Variants in PRKAR2B observed in about 807,000 individuals in gnomAD.
PRKAR2B encodes cAMP-dependent protein kinase type II-beta regulatory subunit.
Under a neutral mutation model 49.9 loss-of-function variants are expected in PRKAR2B, and 14 were observed. The ratio of observed to expected loss-of-function variants is 0.28; its 90% CI spans 0.19 to 0.44. The LOEUF is 0.44. Among genes scored for constraint, PRKAR2B ranks in the 20% least tolerant of loss-of-function variants. PRKAR2B has a pLI of 1.00. For missense variants in PRKAR2B, 393 were observed against 537.9 expected (o/e 0.73, Z 2.67); for synonymous variants, 196 against 197.7 (o/e 0.99, Z 0.07).
intron 2 of PRKAR2B, among the ~76,000 whole-genome samples, chr7:107,081,018 T>A (rs565092502): frequency 1.6e-4 from 24 of 152,344 alleles, no homozygotes; most frequent in African/African-American, 5.8e-4. Context: ...ACATTTTGAG[T>A]GCAAAATAAA....
chr7:107,129,182 G>A (rs892701716), intron 4 of PRKAR2B: 2 of 152,164 alleles, frequency 1.3e-5, no homozygotes, highest in African/African-American at 4.8e-5. Flanking sequence ...CATCATACCA[G>A]TTATATACTG....
intron 1 of PRKAR2B, among the ~76,000 whole-genome samples, chr7:107,056,505 G>A (rs950311269): frequency 2.0e-5 from 3 of 152,162 alleles, no homozygotes; most frequent in Admixed American, 2.0e-4. Flanking sequence ...GCAGTGGTTT[G>A]TAGTTCTCCT....
At chr7:107,095,905 G>A (rs955868443) in intron 2 of PRKAR2B, among the ~76,000 whole-genome samples, 2 of 152,136 alleles carry the variant, frequency 1.3e-5, no homozygotes, top group African/African-American at 2.4e-5. Flanking sequence ...TTCAGTTTGC[G>A]AGTATTTCAT....
chr7:107,132,415 G>A (rs1795619360), intron 4 of PRKAR2B, among the ~76,000 whole-genome samples: 1 of 152,158 alleles, frequency 6.6e-6, no homozygotes, highest in South Asian at 2.1e-4. Context: ...CACTTTGGTG[G>A]TAATGTCGAA....
chr7:107,057,284 C>T (rs1214234661), intron 1 of PRKAR2B, among the ~76,000 whole-genome samples: 2 of 152,124 alleles, frequency 1.3e-5, no homozygotes, highest in African/African-American at 4.8e-5. Flanking sequence ...GTTCTTCAGC[C>T]ACCTCCATAC....
In PRKAR2B at chr7:107,144,934, G is replaced by A. The variant is rs115994495; in HGVS notation, c.588-1374G>A. Among the ~76,000 whole-genome samples, 1,338 of 151,950 alleles carry A rather than the reference G, an allele frequency of 8.8e-3. 25 individuals are homozygous for A. The highest frequency in any genetic ancestry group is 0.03 in the African/African-American group (1,245 of 41,430). On this transcript the variant is annotated intron_variant, in intron 5 of 10. Transcript: ENST00000265717. ...AAAGCATGTTCTCTGATAAAATACA[G>A]TATGCGGAAAGTCAGTCATCCACAC...
Position 107,045,058 on chromosome 7 carries a change from T to A in PRKAR2B, c.151T>A (p.Phe51Ile). The part of the protein sequence containing the change: ...QENERKGTAR[F>I]GHEGRTWGDL... ...GAACGAGCGCAAAGGCACCGCGCGC[T>A]TCGGCCATGAGGGCAGGACCTGGGG... The change falls in exon 1 of 11, where the codon TTC (phenylalanine) becomes ATC (isoleucine). Residue 51 changes from phenylalanine to isoleucine, a missense_variant. Physicochemically the swap from Phe to Ile is conservative, Grantham distance 21. Around this residue, in one of 2 missense-constraint regions of PRKAR2B, gnomAD observed 160 missense variants for 147.6 expected, o/e 1.08. Transcript: ENST00000265717. 1 of 1,544,306 alleles carries A rather than the reference T, an allele frequency of 6.5e-7. No homozygotes were observed. The highest frequency in any genetic ancestry group is 8.7e-7 in the Non-Finnish European group (1 of 1,148,836).
At chr7:107,104,894 T>C (rs1227630811) in intron 2 of PRKAR2B, among the ~76,000 whole-genome samples, 1 of 152,176 alleles carries the variant, frequency 6.6e-6, no homozygotes, top group African/African-American at 2.4e-5. Context: ...TATTAGGAGC[T>C]AGTAGGAGTC....
At position 107,140,861 on chromosome 7, in the gene PRKAR2B, A is replaced by G; in HGVS notation, c.495A>G (p.Gln165=). ...FKNLDPEQMS[Q]VLDAMFEKLV... is the part of the protein sequence containing the mutation. ...TTTAAAAATAGGAGCAGATGTCTCA[A>G]GTATTAGATGCCATGTTTGAAAAAT... Residue 165 remains glutamine, a synonymous_variant, in exon 5 of 11, where the codon CAA becomes CAG. Coordinates refer to ENST00000265717, the MANE Select transcript of PRKAR2B (RefSeq NM_002736.3). The G allele has an allele frequency of 6.2e-7, 1 of 1,610,976 alleles. No homozygotes were observed. The highest frequency in any genetic ancestry group is 1.1e-5 in the South Asian group (1 of 90,566).
intron 4 of PRKAR2B, among the ~76,000 whole-genome samples, chr7:107,140,293 A>C (rs564322739): frequency 6.6e-6 from 1 of 152,268 alleles, no homozygotes; most frequent in East Asian, 1.9e-4. Flanking sequence ...CCTTAATGAC[A>C]GTGAATAGTG....
At chr7:107,102,194 G>A (rs970434392) in intron 2 of PRKAR2B, among the ~76,000 whole-genome samples, 11 of 152,076 alleles carry the variant, frequency 7.2e-5, no homozygotes, top group African/African-American at 1.4e-4. Context: ...GTGACAGAGC[G>A]AGACTCCGTC....
chr7:107,084,730 C>T (rs547223138), intron 2 of PRKAR2B, among the ~76,000 whole-genome samples: 6 of 151,798 alleles, frequency 4.0e-5, no homozygotes, highest in African/African-American at 1.2e-4. Context: ...ACGCCATTCT[C>T]CTGCCTCAAC....
At chr7:107,062,430 A>G (rs1418453570) in intron 1 of PRKAR2B, among the ~76,000 whole-genome samples, 1 of 152,228 alleles carries the variant, frequency 6.6e-6, no homozygotes, top group African/African-American at 2.4e-5. Flanking sequence ...GTATATTCAT[A>G]TAAGGGAATA....
intron 2 of PRKAR2B, among the ~76,000 whole-genome samples, chr7:107,073,068 T>C (rs958640218): frequency 6.6e-6 from 1 of 152,226 alleles, no homozygotes; most frequent in Non-Finnish European, 1.5e-5. Flanking sequence ...AAAAAATTAC[T>C]ATGAATTATA....
chr7:107,082,621 A>C (rs1456331938), intron 2 of PRKAR2B, among the ~76,000 whole-genome samples: 1 of 152,060 alleles, frequency 6.6e-6, no homozygotes, highest in African/African-American at 2.4e-5. Context: ...TTTGAGATGG[A>C]GTCTCGCTCT....
chr7:107,118,275 A>G (rs1040346442), intron 2 of PRKAR2B, among the ~76,000 whole-genome samples: 10 of 152,168 alleles, frequency 6.6e-5, no homozygotes, highest in Non-Finnish European at 1.5e-4. Context: ...CATTTCTTGG[A>G]CAAATTGTGT....
Position 107,054,629 on chromosome 7 carries a change from C to T in PRKAR2B, c.307+9415C>T, listed in dbSNP as rs145486938. Among the ~76,000 whole-genome samples, 145 of 152,216 alleles carry T rather than the reference C, an allele frequency of 9.5e-4. 3 individuals are homozygous for T. The East Asian group carries it at 0.022, about 24-fold the overall frequency. On this transcript the variant is annotated intron_variant, in intron 1 of 10. Coordinates refer to ENST00000265717, the MANE Select transcript of PRKAR2B (RefSeq NM_002736.3). ...GTCAACTTTGCAGATGTCAAGGGTC[C>T]TCAGTCTAGGTAGGCAAGAATGTGC...
rs1008556891 is a variant in PRKAR2B, at chr7:107,146,936, C to T, written c.741+475C>T. ...ATTCTGACCTACTGCATCAGAAATT[C>T]GGAGTTTGAGAAACCAGTATAAAAG... On this transcript the variant is annotated intron_variant, in intron 6 of 10. Transcript: ENST00000265717. Among the ~76,000 whole-genome samples the T allele has an allele frequency of 3.3e-5, 5 of 152,094 alleles. No individual in the cohort carries two copies. In the South Asian group the frequency reaches 1.0e-3, roughly 32 times the overall value.
At chr7:107,058,064 T>TAAA (rs11409171) in intron 1 of PRKAR2B, among the ~76,000 whole-genome samples, 3 of 140,280 alleles carry the variant, frequency 2.1e-5, no homozygotes, top group African/African-American at 5.1e-5. Context: ...GAAAAAAAAG[T>TAAA]AAAAAAAAAA....
Sources: gnomAD v4.1 joint callset for allele counts (sites outside exome capture counted in the v4.1 genomes callset) on GRCh38, gnomAD v4.1.1 for gene constraint, gnomAD v4.1.1 regional missense constraint, MANE v1.5 for transcripts, NCBI Gene and HGNC (gene_info 2026-07-23, HGNC 2026-07-21) for gene names.